The following ILRUN variants were observed in gnomAD, a reference collection of about 807,000 sequenced individuals.
The protein encoded by ILRUN is inflammation and lipid regulator with UBA-like and NBR1-like domains.
In ILRUN, 3 loss-of-function variants were observed where a neutral mutation model predicts 33.8. The ratio of observed to expected loss-of-function variants is 0.09; its 90% confidence interval spans 0.04 to 0.23. The LOEUF is 0.23. Ranked by LOEUF, ILRUN falls within the 10% of genes least tolerant of loss-of-function variation. ILRUN has a pLI of 1.00. For synonymous variants in ILRUN, 124 were observed against 138.9 expected (o/e 0.89, Z 0.75); for missense variants, 210 against 375.1 (o/e 0.56, Z 3.64).
chr6:34,631,095 T>G (rs1173971690), intron 3 of ILRUN, among the ~76,000 whole-genome samples: 1 of 152,210 alleles, frequency 6.6e-6, no homozygotes, highest in African/African-American at 2.4e-5. Context: ...CCTGGCCTAA[T>G]AATTCCAACA....
At chr6:34,613,700 T>A (rs561651079) in intron 3 of ILRUN, among the ~76,000 whole-genome samples, 52 of 152,342 alleles carry the variant, frequency 3.4e-4, no homozygotes, top group Middle Eastern at 3.4e-3. Context: ...GATGTCAATA[T>A]AAGTTCCTGG....
At chr6:34,696,002 G>T (rs1763762063) in intron 1 of ILRUN, among the ~76,000 whole-genome samples, 1 of 151,762 alleles carries the variant, frequency 6.6e-6, no homozygotes, top group African/African-American at 2.4e-5. Flanking sequence ...TATAGTTTCC[G>T]CCCAATCCTG....
chr6:34,681,255 C>CA (rs1041521608), intron 1 of ILRUN, among the ~76,000 whole-genome samples: 32 of 151,998 alleles, frequency 2.1e-4, no homozygotes, highest in African/African-American at 6.3e-4. Context: ...AGGCTCAAAA[C>CA]ACACTAAAAA....
chr6:34,656,814 T>C (rs1159756454), intron 1 of ILRUN, among the ~76,000 whole-genome samples: 1 of 152,242 alleles, frequency 6.6e-6, no homozygotes, highest in Non-Finnish European at 1.5e-5. Context: ...CCTGTCATAT[T>C]AGTCAGTAAT....
At chr6:34,626,221 G>A (rs574843304) in intron 3 of ILRUN, among the ~76,000 whole-genome samples, 2 of 152,140 alleles carry the variant, frequency 1.3e-5, no homozygotes, top group Non-Finnish European at 2.9e-5. Context: ...GCCCAGGCTG[G>A]AGTGCAATGG....
In ILRUN at chr6:34,592,930, T is replaced by C. The variant is rs547044628; in HGVS notation, c.862-2330A>G. ...CGCTTATGTCTATAATCCCAGCACT[T>C]TGGGAGGCCCAGGCGGGAGAACTGC... On this transcript the variant is annotated intron_variant, in intron 4 of 4. Transcript: ENST00000374023. The surrounding 1 kb of genome is among the most constrained non-coding windows in gnomAD (Gnocchi z 4.0). Among the ~76,000 whole-genome samples, 196 of 152,284 alleles carry C rather than the reference T, an allele frequency of 1.3e-3. 5 individuals carry two copies. Among genetic ancestry groups the C allele is most frequent in the Admixed American group, 1.4e-3 (21 of 15,304 alleles).
At chr6:34,641,228 C>T (rs1436119493) in intron 3 of ILRUN, among the ~76,000 whole-genome samples, 1 of 152,102 alleles carries the variant, frequency 6.6e-6, no homozygotes, top group South Asian at 2.1e-4. Flanking sequence ...CAACAGAGTC[C>T]CACAGTTCAC....
rs557566431 is a variant in ILRUN, at chr6:34,590,763, C to T, written c.862-163G>A. Among the ~76,000 whole-genome samples, 24 of 152,306 alleles carry T rather than the reference C, an allele frequency of 1.6e-4. 1 individual carries two copies. The South Asian group carries it at 2.1e-3, about 13-fold the overall frequency. On this transcript the variant is annotated intron_variant, in intron 4 of 4. Coordinates refer to ENST00000374023, the MANE Select transcript of ILRUN (RefSeq NM_024294.4). ...TACAAAACCTCGGCAGGCCAAAGATCAGTACATTTCAAGTTGCTAAGTTTC... is the reference window on the plus strand; with the variant it reads ...TACAAAACCTCGGCAGGCCAAAGATTAGTACATTTCAAGTTGCTAAGTTTC...
At chr6:34,679,026 T>C (rs1444859510) in intron 1 of ILRUN, among the ~76,000 whole-genome samples, 2 of 151,410 alleles carry the variant, frequency 1.3e-5, no homozygotes, top group Non-Finnish European at 2.9e-5. Flanking sequence ...ATCGAAAAAC[T>C]ACTTGTCAGG....
rs1763789313 is a variant in ILRUN, at chr6:34,696,765, T to C, written c.-162A>G. On this transcript the variant is annotated 5_prime_UTR_variant, in exon 1 of 5. Coordinates refer to ENST00000374023, the MANE Select transcript of ILRUN (RefSeq NM_024294.4). ...CACAGTCTCATAGGGGTAAACTCAC[T>C]CTGCCACTCACTCACTCTCCCCCCC... The C allele has an allele frequency of 2.0e-6, 1 of 509,274 alleles. No individual in the cohort carries two copies. The highest frequency in any genetic ancestry group is 3.4e-6 in the Non-Finnish European group (1 of 296,006). 31.5% of individuals were successfully genotyped at this position (509,274 alleles called of 1,614,324 possible). A position where few individuals can be genotyped will look rare whatever the true frequency, so the allele number is the denominator to read the frequency against.
intron 3 of ILRUN, among the ~76,000 whole-genome samples, chr6:34,634,349 T>TA (rs1288769598): frequency 1.3e-5 from 2 of 152,084 alleles, no homozygotes; most frequent in African/African-American, 2.4e-5. Flanking sequence ...AAGCAACACT[T>TA]AGAGGAAAAT....
intron 1 of ILRUN, among the ~76,000 whole-genome samples, chr6:34,685,029 T>C (rs926514438): frequency 1.3e-5 from 2 of 152,110 alleles, no homozygotes; most frequent in African/African-American, 2.4e-5. Context: ...GTCCACAAAA[T>C]AGACTGGAAG....
At chr6:34,637,903 T>TTGTTGTTGC (rs1459330070) in intron 3 of ILRUN, among the ~76,000 whole-genome samples, 2 of 150,058 alleles carry the variant, frequency 1.3e-5, no homozygotes, top group Non-Finnish European at 1.5e-5. Context: ...GTTGTTGTTG[T>TTGTTGTTGC]TGAAACTGGG....
intron 3 of ILRUN, among the ~76,000 whole-genome samples, chr6:34,629,032 C>T (rs534952307): frequency 6.6e-6 from 1 of 152,238 alleles, no homozygotes; most frequent in South Asian, 2.1e-4. Flanking sequence ...TCATTTGTGC[C>T]TGGGAGACAG....
chr6:34,616,184 TTG>T (rs1295678998), intron 3 of ILRUN, among the ~76,000 whole-genome samples: 2 of 152,020 alleles, frequency 1.3e-5, no homozygotes, highest in African/African-American at 4.8e-5. Context: ...TGCCTGGGAG[TTG>T]TGAGACATGA....
intron 4 of ILRUN, among the ~76,000 whole-genome samples, chr6:34,604,416 C>T (rs1761581088): frequency 6.6e-6 from 1 of 152,198 alleles, no homozygotes; most frequent in East Asian, 1.9e-4. Context: ...AAGTACAGTG[C>T]CCTGGCCAAG....
intron 1 of ILRUN, among the ~76,000 whole-genome samples, chr6:34,689,711 C>A (rs1042645053): frequency 1.5e-4 from 23 of 151,620 alleles, no homozygotes; most frequent in African/African-American, 5.1e-4. Context: ...GTAAGAGGTA[C>A]AACTGATTTT....
At chr6:34,690,225 C>G (rs1763617080) in intron 1 of ILRUN, among the ~76,000 whole-genome samples, 1 of 152,152 alleles carries the variant, frequency 6.6e-6, no homozygotes, top group Non-Finnish European at 1.5e-5. Context: ...CTTTGGGAGG[C>G]TGAGGCAGGC....
intron 4 of ILRUN, among the ~76,000 whole-genome samples, chr6:34,601,001 T>C (rs893208464): frequency 2.0e-5 from 3 of 152,180 alleles, no homozygotes; most frequent in African/African-American, 7.2e-5. Context: ...TCTCAGTAAC[T>C]GTAAAGGAGT....
Sources: allele counts gnomAD v4.1 joint callset (sites outside exome capture counted in the v4.1 genomes callset), GRCh38; gene constraint gnomAD v4.1.1; non-coding constraint Gnocchi (gnomAD v3.1); transcripts MANE v1.5; gene names NCBI Gene and HGNC (gene_info 2026-07-23, HGNC 2026-07-21).